The following COPB1 variants were observed in gnomAD, a reference collection of about 807,000 sequenced individuals.
The protein encoded by COPB1 is coatomer subunit beta.
Under a neutral mutation model 108.7 loss-of-function variants are expected in COPB1, and 21 were observed. The ratio of observed to expected loss-of-function variants is 0.19; its 90% CI spans 0.14 to 0.28. COPB1 has a LOEUF of 0.28. Among genes scored for constraint, COPB1 ranks in the 10% least tolerant of loss-of-function variants. COPB1 has a pLI of 1.00. For synonymous variants in COPB1, 378 were observed against 386.8 expected (o/e 0.98, Z 0.27); for missense variants, 919 against 1,141.3 (o/e 0.81, Z 2.81).
intron 2 of COPB1, 121 bp from the exon 3 acceptor site, chr11:14,494,560 T>G: frequency 4.8e-6 from 3 of 619,820 alleles, no homozygotes; most frequent in Non-Finnish European, 8.3e-6. Context: ...GCAATGGTAA[T>G]AAAAGTACAA....
intron 15 of COPB1, 108 bp from the exon 16 acceptor site, chr11:14,468,968 A>C: frequency 1.1e-6 from 1 of 914,626 alleles, no homozygotes; most frequent in Non-Finnish European, 1.7e-6. Context: ...TCAACAAAAC[A>C]ACAAGAAAAC....
chr11:14,464,447 G>A (rs750940040), intron 18 of COPB1, among the ~76,000 whole-genome samples: 1 of 152,102 alleles, frequency 6.6e-6, no homozygotes, highest in Non-Finnish European at 1.5e-5. Context: ...CCTTATGACA[G>A]AAATTGCAAC....
At chr11:14,484,516 G>A (rs1180203014) in intron 7 of COPB1, among the ~76,000 whole-genome samples, 2 of 152,128 alleles carry the variant, frequency 1.3e-5, no homozygotes, top group Non-Finnish European at 2.9e-5. Flanking sequence ...TCAGGAGATC[G>A]AGACCATTCT....
chr11:14,491,733 T>G (rs1425055754), intron 4 of COPB1, among the ~76,000 whole-genome samples: 6 of 151,712 alleles, frequency 4.0e-5, no homozygotes, highest in Admixed American at 1.3e-4. Context: ...TCTATTAAAT[T>G]ATCAAATTAT....
chr11:14,477,896 C>T (rs1007763114), intron 11 of COPB1, among the ~76,000 whole-genome samples: 116 of 59,934 alleles, frequency 1.9e-3, no homozygotes, highest in Non-Finnish European at 2.9e-3. Flanking sequence ...GACTCCATCT[C>T]AAAAAAAAAA....
At position 14,469,577 on chromosome 11, in the gene COPB1, G is replaced by C; in HGVS notation, c.1738-14C>G. 2 of 1,600,088 alleles carry C rather than the reference G, an allele frequency of 1.2e-6. No individual in the cohort carries two copies. The stretch of plus-strand genomic sequence containing the variant: ...AGCAACAAAAGACTAAGAAAGTAAA[G>C]AAATCGGTTACTGATATTGTCTTGA... On this transcript the variant is annotated splice_polypyrimidine_tract_variant and intron_variant, in intron 14 of 21. Coordinates refer to ENST00000439561, the MANE Select transcript of COPB1 (RefSeq NM_001144061.2).
At chr11:14,462,661 C>T (rs1850185771) in intron 18 of COPB1, among the ~76,000 whole-genome samples, 1 of 152,212 alleles carries the variant, frequency 6.6e-6, no homozygotes, top group Non-Finnish European at 1.5e-5. Flanking sequence ...TTCACTCTCA[C>T]ATCCTTCCCT....
intron 18 of COPB1, among the ~76,000 whole-genome samples, chr11:14,463,116 CT>C (rs1261199062): frequency 6.6e-6 from 1 of 152,192 alleles, no homozygotes; most frequent in African/African-American, 2.4e-5. Context: ...GCTTCAAATA[CT>C]TTCTGAAGGT....
intron 6 of COPB1, 45 bp from the exon 7 acceptor site, chr11:14,486,549 T>C (rs748530448): frequency 6.3e-7 from 1 of 1,599,736 alleles, no homozygotes. Flanking sequence ...CAGGAACGCT[T>C]GTTTTCAAAT....
intron 14 of COPB1, among the ~76,000 whole-genome samples, chr11:14,472,474 A>G (rs1358096336): frequency 6.6e-6 from 1 of 152,204 alleles, no homozygotes; most frequent in Non-Finnish European, 1.5e-5. Context: ...GATTTTCAAA[A>G]TGGGAAATGA....
intron 18 of COPB1, among the ~76,000 whole-genome samples, chr11:14,463,919 C>T (rs1310687955): frequency 6.6e-6 from 1 of 152,192 alleles, no homozygotes; most frequent in Admixed American, 6.5e-5. Context: ...TGCCATCTCT[C>T]ACTTGGGCTT....
intron 2 of COPB1, among the ~76,000 whole-genome samples, chr11:14,495,243 A>G (rs1047198784): frequency 6.6e-6 from 1 of 152,246 alleles, no homozygotes; most frequent in Admixed American, 6.5e-5. Context: ...AAGGCAGAGA[A>G]GTATGTAGTA....
rs1189679928 is a variant in COPB1 at position 14,469,349 on chromosome 11, T to A, written c.1952A>T (p.Lys651Ile). The A allele has an allele frequency of 6.2e-7, 1 of 1,613,668 alleles. No individual in the cohort carries two copies. Among genetic ancestry groups the A allele is most frequent in the Non-Finnish European group, 8.5e-7 (1 of 1,179,684 alleles). ...TATATACCTTACCTTTTGGGATAAT[T>A]TCTCTTCTTCTAGTTTAGCAGATAA... ...HMLSAKLEEE[K>I]LSQKKESEKR... Residue 651 changes from lysine to isoleucine, a missense_variant, in exon 15 of 22, where the codon AAA becomes ATA. By Grantham distance (102) the Lys-to-Ile change is moderately radical (BLOSUM62 -3). Coordinates refer to ENST00000439561, the MANE Select transcript of COPB1 (RefSeq NM_001144061.2).
At chr11:14,496,941 T>A (rs1162509464) in intron 2 of COPB1, among the ~76,000 whole-genome samples, 1 of 152,158 alleles carries the variant, frequency 6.6e-6, no homozygotes, top group Non-Finnish European at 1.5e-5. Context: ...GAACATACAT[T>A]GGAGAAAAGA....
chr11:14,477,045 C>G (rs1195815907), intron 11 of COPB1, 30 bp from the exon 12 acceptor site: 1 of 1,383,288 alleles, frequency 7.2e-7, no homozygotes, highest in Non-Finnish European at 1.0e-6. Context: ...GAAACATGAA[C>G]TTGGCAGACA....
At chr11:14,461,457 G>T in intron 18 of COPB1, 126 bp from the exon 19 acceptor site, 1 of 908,126 alleles carries the variant, frequency 1.1e-6, no homozygotes, top group Non-Finnish European at 1.6e-6. Flanking sequence ...TACTTATTAT[G>T]TACAGAGCTC....
chr11:14,478,712 A>G (rs1404926103), intron 11 of COPB1, among the ~76,000 whole-genome samples: 1 of 151,964 alleles, frequency 6.6e-6, no homozygotes, highest in Non-Finnish European at 1.5e-5. Context: ...TTGGCCTCCC[A>G]AAGTGCTGGG....
intron 15 of COPB1, 124 bp from the exon 16 acceptor site, chr11:14,468,984 A>G (rs1296064074): frequency 2.4e-6 from 2 of 822,930 alleles, no homozygotes; most frequent in Non-Finnish European, 3.8e-6. Flanking sequence ...AAAACCCACA[A>G]AGCACTTTTC....
At chr11:14,479,465 G>C in intron 11 of COPB1, 104 bp downstream of exon 11, 1 of 1,090,918 alleles carries the variant, frequency 9.2e-7, no homozygotes, top group African/African-American at 1.6e-5. Flanking sequence ...TCTTATTTTG[G>C]CTTGATTGTC....
Sources: gnomAD v4.1 joint callset for allele counts (sites outside exome capture counted in the v4.1 genomes callset) on GRCh38, gnomAD v4.1.1 for gene constraint, MANE v1.5 for transcripts, NCBI Gene and HGNC (gene_info 2026-07-23, HGNC 2026-07-21) for gene names.